The following ADGRG2 variants were observed in gnomAD, a reference collection of about 807,000 sequenced individuals.
The protein encoded by ADGRG2 is adhesion G protein-coupled receptor G2, also known as G protein-coupled receptor 64.
In ADGRG2, 26 loss-of-function variants were observed where a neutral mutation model predicts 74.1. That is an observed-to-expected ratio of 0.35 (90% CI 0.26 to 0.49). The LOEUF is 0.49. ADGRG2 is among the 20% of genes least tolerant of loss of function. ADGRG2 has a pLI of 0.99. For missense variants in ADGRG2, 619 were observed against 763.1 expected (o/e 0.81, Z 2.22); for synonymous variants, 296 against 295.2 (o/e 1.00, Z -0.03).
intron 1 of ADGRG2, among the ~76,000 whole-genome samples, chrX:19,108,195 G>C (rs750118074): frequency 9.3e-6 from 1 of 107,802 alleles, no homozygotes; most frequent in Non-Finnish European, 1.9e-5. Context: ...AGCCAGGTGC[G>C]GTGGCTCATG....
chrX:19,007,667 C>A (rs373141388), intron 19 of ADGRG2, among the ~76,000 whole-genome samples: 1 of 112,053 alleles, frequency 8.9e-6, no homozygotes, highest in African/African-American at 3.2e-5. Context: ...CGTCTCTCTG[C>A]GCCTCCATGG....
At chrX:19,023,990 G>C in intron 11 of ADGRG2, 42 bp from the exon 12 acceptor site, 1 of 962,122 alleles carries the variant, frequency 1.0e-6, no homozygotes, top group Non-Finnish European at 1.5e-6. Flanking sequence ...GAGACCATTA[G>C]TGATATTAAA....
intron 3 of ADGRG2, among the ~76,000 whole-genome samples, chrX:19,042,806 C>T (rs1229026017): frequency 1.8e-5 from 2 of 111,156 alleles, no homozygotes; most frequent in Non-Finnish European, 3.8e-5. Context: ...GCCTGGCCAA[C>T]ATGGCGAAAC....
intron 6 of ADGRG2, chrX:19,036,233 G>A (rs988149209): frequency 2.1e-5 from 5 of 234,823 alleles, no homozygotes; most frequent in Admixed American, 6.7e-5. Flanking sequence ...CAACACTCCC[G>A]TAACCATTAG....
intron 9 of ADGRG2, 77 bp downstream of exon 9, chrX:19,030,907 C>A: frequency 1.4e-6 from 1 of 702,940 alleles, no homozygotes; most frequent in South Asian, 2.9e-5. Flanking sequence ...ACCACATACT[C>A]AAAAGAAAAG....
At chrX:19,007,472 G>A (rs1408803149) in intron 19 of ADGRG2, 115 bp from the exon 20 acceptor site, 2 of 655,311 alleles carry the variant, frequency 3.1e-6, no homozygotes, top group South Asian at 2.8e-5. Flanking sequence ...GTCAGAAATC[G>A]AGGGACAAGG....
chrX:19,086,505 G>A (rs1262852874), intron 1 of ADGRG2, among the ~76,000 whole-genome samples: 1 of 111,325 alleles, frequency 9.0e-6, no homozygotes, highest in East Asian at 2.8e-4. Context: ...AAAAAGGCAG[G>A]CAGACTTTAC....
At chrX:19,084,259 G>C (rs1020449759) in intron 1 of ADGRG2, among the ~76,000 whole-genome samples, 1 of 108,789 alleles carries the variant, frequency 9.2e-6, no homozygotes, top group Non-Finnish European at 1.9e-5. Context: ...ACACTTATAA[G>C]TGTGTCCATG....
intron 1 of ADGRG2, among the ~76,000 whole-genome samples, chrX:19,087,240 A>G (rs2061948789): frequency 8.9e-6 from 1 of 112,323 alleles, no homozygotes; most frequent in Non-Finnish European, 1.9e-5. Context: ...CTGGAAAACT[A>G]AAGATCATTC....
intron 1 of ADGRG2, 141 bp from the exon 2 acceptor site, chrX:19,082,887 T>C (rs1224241691): frequency 8.9e-6 from 1 of 112,682 alleles, no homozygotes; most frequent in Non-Finnish European, 1.9e-5. Flanking sequence ...CAGCTTGAAC[T>C]TGGCAGTGGA....
chrX:19,050,229 C>A (rs1398658669), intron 3 of ADGRG2, among the ~76,000 whole-genome samples: 1 of 111,264 alleles, frequency 9.0e-6, no homozygotes, highest in Non-Finnish European at 1.9e-5. Context: ...ATAGAGAATG[C>A]CTTCTAGAAT....
intron 15 of ADGRG2, 31 bp downstream of exon 15, chrX:19,019,564 TTTTA>T: frequency 1.3e-6 from 1 of 783,259 alleles, no homozygotes; most frequent in Non-Finnish European, 1.9e-6. Flanking sequence ...TTTTTTTTTT[TTTTA>T]AGGAGAAGGG....
chrX:19,077,859 A>G (rs1216981438), intron 2 of ADGRG2, among the ~76,000 whole-genome samples: 1 of 112,505 alleles, frequency 8.9e-6, no homozygotes, highest in African/African-American at 3.2e-5. Flanking sequence ...TGCAACTACT[A>G]TAGCCTCAAA....
At chrX:19,043,396 T>C (rs1170317806) in intron 3 of ADGRG2, among the ~76,000 whole-genome samples, 2 of 111,749 alleles carry the variant, frequency 1.8e-5, no homozygotes, top group African/African-American at 6.5e-5. Flanking sequence ...GTGAGTCATA[T>C]ATTTGAGCTC....
rs1360115614 is a variant in ADGRG2 at position 19,037,611 on chromosome X, G to C, written c.180C>G (p.Ala60=). ...PPAKLSVVSF[A]PSSNGTPEVE... ...TGCCTGGAGTACCATTGGAGGAGGG[G>C]GCAAAACTGACAACAGATAATTTAG... The change falls in exon 5 of 29, where the codon GCC becomes GCG. Residue 60 remains alanine, a synonymous_variant. Transcript: ENST00000379869. The C allele has an allele frequency of 8.7e-7, 1 of 1,150,549 alleles. No individual in the cohort carries two copies. The highest frequency in any genetic ancestry group is 1.8e-5 in the African/African-American group (1 of 54,324). 94.8% of individuals were successfully genotyped at this position (1,150,549 alleles called of 1,213,427 possible). A position where few individuals can be genotyped will look rare whatever the true frequency, so the allele number is the denominator to read the frequency against.
At chrX:19,049,505 A>G (rs2061272848) in intron 3 of ADGRG2, among the ~76,000 whole-genome samples, 1 of 97,113 alleles carries the variant, frequency 1.0e-5, no homozygotes, top group Non-Finnish European at 2.0e-5. Flanking sequence ...CCCAATGGGG[A>G]TGATAGCGCC....
intron 1 of ADGRG2, among the ~76,000 whole-genome samples, chrX:19,093,510 C>A (rs764476545): frequency 3.5e-4 from 39 of 111,627 alleles, no homozygotes; most frequent in Non-Finnish European, 6.0e-4. Context: ...TTTGAGGACA[C>A]AAAGATGGGA....
intron 16 of ADGRG2, among the ~76,000 whole-genome samples, 195 bp from the exon 17 acceptor site, chrX:19,010,973 C>T (rs1056658298): frequency 2.7e-5 from 3 of 112,074 alleles, no homozygotes; most frequent in African/African-American, 9.7e-5. Context: ...AAACTAGAAA[C>T]AACCCGAATG....
In ADGRG2 at chrX:19,037,573, T is replaced by G; in HGVS notation, c.202+16A>C. On this transcript the variant is annotated intron_variant, in intron 5 of 28. Transcript: ENST00000379869. ...AATTGGACTAAATCTAGGTTTAAAT[T>G]TTTTCAAAATCTTGCCTGGAGTACC... The G allele has an allele frequency of 8.6e-7, 1 of 1,165,673 alleles. No individual in the cohort carries two copies. The highest frequency in any genetic ancestry group is 1.8e-5 in the African/African-American group (1 of 56,179).
Sources: allele counts gnomAD v4.1 joint callset (sites outside exome capture counted in the v4.1 genomes callset), GRCh38; gene constraint gnomAD v4.1.1; transcripts MANE v1.5; gene names NCBI Gene and HGNC (gene_info 2026-07-23, HGNC 2026-07-21).